Variants in GPR176 observed in about 807,000 individuals in gnomAD.
GPR176 encodes the protein G protein-coupled receptor 176.
Under a neutral mutation model 35.4 loss-of-function variants are expected in GPR176, and 26 were observed. The observed-to-expected ratio is 0.74, with a 90% CI of 0.54 to 1.02. The LOEUF is 1.02. Among genes scored for constraint, GPR176 ranks in the 50% least tolerant of loss-of-function variants. The pLI, the probability that GPR176 is intolerant of heterozygous loss-of-function variation, is 0.00. For synonymous variants in GPR176, 278 were observed against 271.3 expected, an observed-to-expected ratio of 1.02 and a Z score of -0.24; for missense variants, 597 against 665.3, an observed-to-expected ratio of 0.90 and a Z score of 1.13.
intron 1 of GPR176, among the ~76,000 whole-genome samples, chr15:39,808,219 C>T (rs1160926652): frequency 1.3e-5 from 2 of 152,146 alleles, no homozygotes; most frequent in South Asian, 2.1e-4. Flanking sequence ...TTCCCCTCAA[C>T]TCCAGAATCC....
chr15:39,915,099 A>G (rs2033691363), intron 1 of GPR176, among the ~76,000 whole-genome samples: 1 of 152,232 alleles, frequency 6.6e-6, no homozygotes, highest in South Asian at 2.1e-4. Flanking sequence ...TCAATTTCAC[A>G]TGCTCACTAC....
At chr15:39,825,228 T>C (rs1219277934) in intron 1 of GPR176, among the ~76,000 whole-genome samples, 1 of 151,996 alleles carries the variant, frequency 6.6e-6, no homozygotes, top group African/African-American at 2.4e-5. Context: ...TTTAGAGAAG[T>C]ATAGGAAGAA....
At chr15:39,888,445 T>C (rs1223262106) in intron 1 of GPR176, among the ~76,000 whole-genome samples, 1 of 152,148 alleles carries the variant, frequency 6.6e-6, no homozygotes, top group Non-Finnish European at 1.5e-5. Flanking sequence ...GCCATCACAC[T>C]TGGCTAAGAC....
rs145197351 is a variant in GPR176, at chr15:39,814,364, T to C, written c.173-7106A>G. ...CCTTCAATTTTTAATCCATTCTCAATTCATCTGGAAGTAATCATATCATCC... is the reference window on the plus strand; with the variant it reads ...CCTTCAATTTTTAATCCATTCTCAACTCATCTGGAAGTAATCATATCATCC... On this transcript the variant is annotated intron_variant, in intron 1 of 2. Coordinates refer to ENST00000561100, the MANE Select transcript of GPR176 (RefSeq NM_007223.3). Among the ~76,000 whole-genome samples, 14 of 152,336 alleles carry C rather than the reference T, an allele frequency of 9.2e-5. No individual in the cohort carries two copies. The East Asian group carries it at 2.7e-3, about 29-fold the overall frequency.
intron 1 of GPR176, among the ~76,000 whole-genome samples, chr15:39,873,916 A>C (rs1170124284): frequency 6.6e-6 from 1 of 152,156 alleles, no homozygotes; most frequent in Admixed American, 6.5e-5. Flanking sequence ...GCCCCTGCTA[A>C]GTGTTTCTGA....
chr15:39,919,942 T>G lies in GPR176; in HGVS notation c.85A>C (p.Ser29Arg). Reference sequence around the variant, plus strand: ...GCCTCGCCGAACTCCCCGAGCGCGCTGCGGTTCACACCCGCAGCCTCGGCG... The same window carrying G: ...GCCTCGCCGAACTCCCCGAGCGCGCGGCGGTTCACACCCGCAGCCTCGGCG... Reference protein sequence around the residue: ...SGAEAAGVNRSALGEFGEAQL... With the variant: ...SGAEAAGVNRRALGEFGEAQL... Residue 29 changes from serine (S) to arginine (R), a missense_variant, in exon 1 of 3, where the codon AGC becomes CGC. Ser to Arg is a moderately radical substitution (Grantham distance 110). This residue lies in a region of GPR176 where 126 missense variants were observed against 112.4 expected (regional missense o/e 1.12). Transcript: ENST00000561100. 6.6e-7 allele frequency: 1 copy of G among 1,516,184 alleles called. No homozygotes were observed. The highest frequency in any genetic ancestry group is 1.4e-5 in the African/African-American group (1 of 69,894). 93.9% of individuals were successfully genotyped at this position (1,516,184 alleles called of 1,614,324 possible). A position where few individuals can be genotyped will look rare whatever the true frequency, so the allele number is the denominator to read the frequency against.
chr15:39,830,529 G>A lies in GPR176; in HGVS notation c.173-23271C>T, dbSNP rs1330856260. On this transcript the variant is annotated intron_variant, in intron 1 of 2. Coordinates refer to ENST00000561100, the MANE Select transcript of GPR176 (RefSeq NM_007223.3). ...GAAGAGGGAGCACCCTGGGCATGCA[G>A]GCAAGTTGCACAGCATGGATATGGC... 6.6e-5 allele frequency among the ~76,000 whole-genome samples: 10 copies of A among 152,280 alleles called. No individual in the cohort carries two copies. In the East Asian group the frequency reaches 1.9e-3, roughly 29 times the overall value.
intron 1 of GPR176, among the ~76,000 whole-genome samples, chr15:39,813,013 G>A (rs1899673324): frequency 6.6e-6 from 1 of 152,124 alleles, no homozygotes; most frequent in Non-Finnish European, 1.5e-5. Flanking sequence ...TGAATTACAG[G>A]CATGAGCCAC....
chr15:39,892,251 A>G (rs533898639), intron 1 of GPR176, among the ~76,000 whole-genome samples: 1 of 152,228 alleles, frequency 6.6e-6, no homozygotes, highest in Admixed American at 6.5e-5. Flanking sequence ...ATTTCTTACT[A>G]TCAGAAATCA....
intron 1 of GPR176, among the ~76,000 whole-genome samples, chr15:39,893,480 T>C (rs1249211314): frequency 2.6e-5 from 4 of 152,126 alleles, no homozygotes; most frequent in African/African-American, 9.7e-5. Context: ...CAGAACAAAA[T>C]GAAAAGTCTC....
intron 1 of GPR176, chr15:39,894,398 G>C (rs1366081666): frequency 1.3e-5 from 2 of 156,570 alleles, no homozygotes; most frequent in African/African-American, 4.9e-5. Context: ...GTGGCTGCCG[G>C]GCGGAGACAC....
rs1000670799 is a variant in GPR176 at position 39,877,322 on chromosome 15, C to T, written c.172+42533G>A. 3.3e-5 allele frequency among the ~76,000 whole-genome samples: 5 copies of T among 152,246 alleles called. No individual in the cohort carries two copies. In the East Asian group the frequency reaches 5.8e-4, roughly 18 times the overall value. The stretch of plus-strand genomic sequence containing the variant: ...TCCCCCAACCCCAGCCACACTGATA[C>T]GTTTAAGTGAACATCCCTGAACACA... On this transcript the variant is annotated intron_variant, in intron 1 of 2. Transcript: ENST00000561100.
intron 1 of GPR176, chr15:39,807,704 C>T: frequency 1.6e-6 from 1 of 637,374 alleles, no homozygotes; most frequent in Non-Finnish European, 2.8e-6. Context: ...TAAAGAGAAG[C>T]AGGTGAGATT....
At chr15:39,839,930 A>G (rs1901640084) in intron 1 of GPR176, among the ~76,000 whole-genome samples, 1 of 152,256 alleles carries the variant, frequency 6.6e-6, no homozygotes, top group Non-Finnish European at 1.5e-5. Context: ...AACCACAATG[A>G]GATACTATCT....
intron 1 of GPR176, among the ~76,000 whole-genome samples, chr15:39,842,452 A>C (rs941456927): frequency 3.3e-5 from 5 of 152,158 alleles, no homozygotes; most frequent in African/African-American, 1.2e-4. Flanking sequence ...TTATAATTCC[A>C]CATGAGATTT....
chr15:39,881,525 T>C (rs2032474586), intron 1 of GPR176, among the ~76,000 whole-genome samples: 1 of 152,210 alleles, frequency 6.6e-6, no homozygotes, highest in Non-Finnish European at 1.5e-5. Context: ...CAAAACTGAT[T>C]AGGATTTTTC....
intron 1 of GPR176, among the ~76,000 whole-genome samples, chr15:39,829,750 G>A (rs1195268770): frequency 6.6e-6 from 1 of 152,058 alleles, no homozygotes; most frequent in Non-Finnish European, 1.5e-5. Flanking sequence ...TCCTTTCCAA[G>A]CTGGGAAATT....
intron 1 of GPR176, among the ~76,000 whole-genome samples, chr15:39,891,584 G>A (rs2032874175): frequency 1.3e-5 from 2 of 152,316 alleles, no homozygotes; most frequent in African/African-American, 4.8e-5. Flanking sequence ...AAGTGATCCT[G>A]CTTCAGCCTC....
intron 1 of GPR176, among the ~76,000 whole-genome samples, chr15:39,890,733 C>A (rs1474615004): frequency 2.0e-5 from 3 of 152,172 alleles, no homozygotes. Context: ...TCCTTTTGCC[C>A]ATGACAAAAC....
Sources: gnomAD v4.1 joint callset for allele counts (sites outside exome capture counted in the v4.1 genomes callset) on GRCh38, gnomAD v4.1.1 for gene constraint, gnomAD v4.1.1 regional missense constraint, MANE v1.5 for transcripts, NCBI Gene and HGNC (gene_info 2026-07-23, HGNC 2026-07-21) for gene names.